Variants in KIAA1671 observed in about 807,000 individuals in gnomAD.
The protein encoded by KIAA1671 is KIAA1671.
In KIAA1671, 52 loss-of-function variants were observed where a neutral mutation model predicts 131.2. That is an observed-to-expected ratio of 0.40 (90% CI 0.32 to 0.50). The LOEUF is 0.50. Ranked by LOEUF, KIAA1671 falls within the 20% of genes least tolerant of loss-of-function variation. The pLI is 0.73. For synonymous variants in KIAA1671, 1,003 were observed against 961.6 expected (o/e 1.04, Z -0.80); for missense variants, 2,360 against 2,364.2 (o/e 1.00, Z 0.04).
chr22:25,006,187 A>G (rs1440961393), intron 1 of KIAA1671, among the ~76,000 whole-genome samples: 1 of 151,908 alleles, frequency 6.6e-6, no homozygotes, highest in African/African-American at 2.4e-5. Flanking sequence ...GCCCGCCACC[A>G]TGCCTGGCTA....
At chr22:25,024,213 G>A (rs950775037) in intron 1 of KIAA1671, 2 of 152,178 alleles carry the variant, frequency 1.3e-5, no homozygotes, top group African/African-American at 4.8e-5. Context: ...GTGGGTTCAA[G>A]GTTCCCAAAG....
chr22:25,148,367 G>T (rs1470175526), intron 6 of KIAA1671, among the ~76,000 whole-genome samples: 1 of 152,010 alleles, frequency 6.6e-6, no homozygotes, highest in East Asian at 1.9e-4. Context: ...AGTGGGGATG[G>T]GCAAAGCTGG....
At chr22:25,181,170 G>A (rs1934258889) in intron 9 of KIAA1671, among the ~76,000 whole-genome samples, 1 of 152,106 alleles carries the variant, frequency 6.6e-6, no homozygotes, top group South Asian at 2.1e-4. Flanking sequence ...AGTGGGATAG[G>A]CAGCCCATCA....
At position 25,029,218 on chromosome 22, in the gene KIAA1671, C is replaced by A; in HGVS notation, c.1219C>A (p.Leu407Met). Residue 407 changes from leucine (L) to methionine (M), a missense_variant, in exon 3 of 13, where the codon CTG becomes ATG. Around this residue, in one of 3 missense-constraint regions of KIAA1671, gnomAD observed 1,185 missense variants for 1,126.2 expected, o/e 1.05. Coordinates refer to ENST00000358431, the MANE Select transcript of KIAA1671 (RefSeq NM_001145206.2). ...GGCTGCTGAGTCCCCCTCACCCAGG[C>A]TGGGAAGGGGCCTAGAACTTGCTGA... is the stretch of plus-strand genomic sequence containing the variant. ...EKAAESPSPR[L>M]GRGLELAEVK... is the part of the protein sequence containing the mutation. 2 of 1,460,686 alleles carry A rather than the reference C, an allele frequency of 1.4e-6. No individual in the cohort carries two copies. The highest frequency in any genetic ancestry group is 1.8e-6 in the Non-Finnish European group (2 of 1,102,946). 90.5% of individuals were successfully genotyped at this position (1,460,686 alleles called of 1,614,324 possible).
chr22:25,022,168 A>G (rs1254808336), intron 1 of KIAA1671, among the ~76,000 whole-genome samples: 2 of 152,174 alleles, frequency 1.3e-5, no homozygotes, highest in East Asian at 3.9e-4. Flanking sequence ...AGGTGTCAGG[A>G]CCAGCCCACG....
chr22:25,126,691 A>G (rs1020388104), intron 6 of KIAA1671, among the ~76,000 whole-genome samples: 1 of 152,144 alleles, frequency 6.6e-6, no homozygotes, highest in African/African-American at 2.4e-5. Flanking sequence ...AGAGGGAGAG[A>G]GACCTGTGCA....
intron 6 of KIAA1671, chr22:25,058,679 T>C (rs1049445777): frequency 2.0e-5 from 3 of 152,208 alleles, no homozygotes; most frequent in African/African-American, 7.2e-5. Context: ...TCTGTTGTTA[T>C]AATGAACCAT....
intron 1 of KIAA1671, among the ~76,000 whole-genome samples, chr22:25,021,811 G>C (rs1220877403): frequency 6.6e-6 from 1 of 151,080 alleles, no homozygotes; most frequent in African/African-American, 2.4e-5. Flanking sequence ...TTTTGGGATG[G>C]AGTCTCGCTC....
At chr22:25,041,951 C>G (rs1926947577) in intron 5 of KIAA1671, among the ~76,000 whole-genome samples, 1 of 151,966 alleles carries the variant, frequency 6.6e-6, no homozygotes. Flanking sequence ...GCCATGTTGC[C>G]CAGGCTGGTC....
chr22:24,989,360 C>T (rs1320993478), intron 1 of KIAA1671, among the ~76,000 whole-genome samples: 2 of 152,180 alleles, frequency 1.3e-5, no homozygotes, highest in African/African-American at 4.8e-5. Context: ...TGACAGCCTC[C>T]TCTTCATTGA....
At chr22:24,998,945 A>G (rs1383967739) in intron 1 of KIAA1671, among the ~76,000 whole-genome samples, 3 of 151,878 alleles carry the variant, frequency 2.0e-5, no homozygotes, top group African/African-American at 7.3e-5. Context: ...CCAGGTTTTG[A>G]CTATTATGGA....
chr22:25,178,610 C>G (rs1328084042), intron 9 of KIAA1671, among the ~76,000 whole-genome samples: 2 of 152,256 alleles, frequency 1.3e-5, no homozygotes, highest in African/African-American at 4.8e-5. Context: ...CCCACAACCT[C>G]TAGACCATGC....
intron 3 of KIAA1671, among the ~76,000 whole-genome samples, chr22:25,030,216 A>C (rs1198554831): frequency 6.6e-6 from 1 of 152,214 alleles, no homozygotes; most frequent in African/African-American, 2.4e-5. Flanking sequence ...TTTGGTTAAT[A>C]ATGATGTTCT....
Position 24,979,350 on chromosome 22 carries a change from ATTTATTTATT to A in KIAA1671, c.-208+26582_-208+26591del, listed in dbSNP as rs1401008583. Reference sequence around the variant, plus strand: ...AATAATTTATTTTATTTATTTATTTATTTATTTATTTTTTTTTGAGACGGAGTCTCGCTGT... The same window carrying A: ...AATAATTTATTTTATTTATTTATTTATTTTTTTGAGACGGAGTCTCGCTGT... On this transcript the variant is annotated intron_variant, in intron 1 of 12. Transcript: ENST00000358431. 3.3e-3 allele frequency among the ~76,000 whole-genome samples: 445 copies of A among 134,766 alleles called. 9 individuals are homozygous for A. The East Asian group carries it at 0.069, about 21-fold the overall frequency. The allele number at this position is 134,766 out of a possible 152,430, so 88.4% of individuals were successfully genotyped here. A position where few individuals can be genotyped will look rare whatever the true frequency, so the allele number is the denominator to read the frequency against.
rs1934082848 is a variant in KIAA1671, at chr22:25,177,592, GA to G, written c.5074+76del. The G allele has an allele frequency of 2.9e-6, 4 of 1,366,698 alleles. No homozygotes were observed. The East Asian group carries it at 1.0e-4, about 35-fold the overall frequency. 84.7% of individuals were successfully genotyped at this position (1,366,698 alleles called of 1,614,324 possible). The stretch of plus-strand genomic sequence containing the variant: ...AGGAAGGATTTAGACTAAGCCCTAT[GA>G]AAAAATTCCTGACTTGGAAGGCTGT... On this transcript the variant is annotated intron_variant, in intron 9 of 12. Transcript: ENST00000358431.
At chr22:25,001,273 A>ATATATATGCG (rs1924468624) in intron 1 of KIAA1671, among the ~76,000 whole-genome samples, 1 of 151,786 alleles carries the variant, frequency 6.6e-6, no homozygotes, top group Admixed American at 6.6e-5. Flanking sequence ...ATATATATGC[A>ATATATATGCG]TGTGTATGTG....
At chr22:25,118,600 T>G (rs1361207860) in intron 6 of KIAA1671, among the ~76,000 whole-genome samples, 1 of 152,080 alleles carries the variant, frequency 6.6e-6, no homozygotes, top group East Asian at 1.9e-4. Flanking sequence ...CAACGTATCT[T>G]TTTAGGGGCC....
At chr22:24,973,962 G>T (rs932550886) in intron 1 of KIAA1671, among the ~76,000 whole-genome samples, 2 of 152,166 alleles carry the variant, frequency 1.3e-5, no homozygotes, top group African/African-American at 2.4e-5. Flanking sequence ...TGAATGTGCC[G>T]TGTAGACCCG....
chr22:24,971,488 A>G (rs1295143064), intron 1 of KIAA1671, among the ~76,000 whole-genome samples: 1 of 152,068 alleles, frequency 6.6e-6, no homozygotes, highest in African/African-American at 2.4e-5. Context: ...TTTCTTGTTC[A>G]TGACACCTCA....
Sources: gnomAD v4.1 joint callset for allele counts (sites outside exome capture counted in the v4.1 genomes callset) on GRCh38, gnomAD v4.1.1 for gene constraint, gnomAD v4.1.1 regional missense constraint, MANE v1.5 for transcripts, NCBI Gene and HGNC (gene_info 2026-07-23, HGNC 2026-07-21) for gene names.